Variants in DCAF11 observed in about 807,000 individuals in gnomAD.
DCAF11 encodes DDB1- and CUL4-associated factor 11.
Under a neutral mutation model 76.1 loss-of-function variants are expected in DCAF11, and 44 were observed. That is an observed-to-expected ratio of 0.58 (90% CI 0.45 to 0.74). DCAF11 has a LOEUF of 0.74. Among genes scored for constraint, DCAF11 ranks in the 30% least tolerant of loss-of-function variants. The probability of loss-of-function intolerance (pLI) is 0.00; values close to 1 mark genes in which losing one functional copy is unlikely to be tolerated. For synonymous variants in DCAF11, 258 were observed against 255.0 expected (o/e 1.01, Z -0.11); for missense variants, 604 against 709.4 (o/e 0.85, Z 1.69).
chr14:24,119,053 C>G, intron 8 of DCAF11, 92 bp from the exon 9 acceptor site: 1 of 1,531,360 alleles, frequency 6.5e-7, no homozygotes, highest in South Asian at 1.1e-5. Context: ...CTTTTTTCCC[C>G]TGGGGATGTG....
rs1566589044 is a variant in DCAF11, at chr14:24,114,826, G to A, written c.-681G>A. 2.0e-6 allele frequency: 2 copies of A among 985,966 alleles called. No individual in the cohort carries two copies. Among genetic ancestry groups the A allele is most frequent in the South Asian group, 9.4e-5 (2 of 21,302 alleles). 61.1% of individuals were successfully genotyped at this position (985,966 alleles called of 1,614,324 possible). ...CAGGAAGCCGCGAGATGCGTGACGAGCGAAGCGCGTGACGGAGGAGCGGTT... is the reference window on the plus strand; with the variant it reads ...CAGGAAGCCGCGAGATGCGTGACGAACGAAGCGCGTGACGGAGGAGCGGTT... On this transcript the variant is annotated 5_prime_UTR_variant, in exon 1 of 15. Coordinates refer to ENST00000446197, the MANE Select transcript of DCAF11 (RefSeq NM_025230.5).
Position 24,117,524 on chromosome 14 carries a change from G to C in DCAF11, c.411+131G>C, listed in dbSNP as rs1320064036. On this transcript the variant is annotated intron_variant, in intron 4 of 14. Transcript: ENST00000446197. This position sits in a 1 kb window ranked among gnomAD's most constrained non-coding sequence, Gnocchi z 4.3. ...AGCGCTGGGGCTGGAGAGTTAACCA[G>C]CCTCCATCGGAGTTCTGTGGGACAG... 3 of 1,527,774 alleles carry C rather than the reference G, an allele frequency of 2.0e-6. No individual in the cohort carries two copies. Among genetic ancestry groups the C allele is most frequent in the Admixed American group, 2.0e-5 (1 of 50,408 alleles). 94.6% of individuals were successfully genotyped at this position (1,527,774 alleles called of 1,614,324 possible). A position where few individuals can be genotyped will look rare whatever the true frequency, so the allele number is the denominator to read the frequency against.
chr14:24,119,439 A>T (rs1292559493), intron 9 of DCAF11, 120 bp from the exon 10 acceptor site: 4 of 1,350,708 alleles, frequency 3.0e-6, no homozygotes, highest in African/African-American at 1.5e-5. Flanking sequence ...CACTTCCTGT[A>T]TAAAAAGAGC....
rs2037750646 is a variant in DCAF11, at chr14:24,124,787, A to T, written c.*1478A>T. ...CCGGGCACGGTGGTTCACACCTGTAATCCCGGCATTTTGGGAGGCCGAGAT... is the reference window on the plus strand; with the variant it reads ...CCGGGCACGGTGGTTCACACCTGTATTCCCGGCATTTTGGGAGGCCGAGAT... On this transcript the variant is annotated 3_prime_UTR_variant, in exon 15 of 15. Coordinates refer to ENST00000446197, the MANE Select transcript of DCAF11 (RefSeq NM_025230.5). 6.6e-6 allele frequency: 1 copy of T among 152,228 alleles called. No individual in the cohort carries two copies. The highest frequency in any genetic ancestry group is 2.4e-5 in the African/African-American group (1 of 41,454). The allele number at this position is 152,228 out of a possible 1,614,324, so 9.4% of individuals were successfully genotyped here.
rs2037754285 is a variant in DCAF11, at chr14:24,124,957, T to C, written c.*1648T>C. 1 of 152,096 alleles carries C rather than the reference T, an allele frequency of 6.6e-6. No homozygotes were observed. Among genetic ancestry groups the C allele is most frequent in the Non-Finnish European group, 1.5e-5 (1 of 68,060 alleles). 9.4% of individuals were successfully genotyped at this position (152,096 alleles called of 1,614,324 possible). On this transcript the variant is annotated 3_prime_UTR_variant, in exon 15 of 15. Coordinates refer to ENST00000446197, the MANE Select transcript of DCAF11 (RefSeq NM_025230.5). ...TACTTGAGAGGCTGAGGCAGGAGAA[T>C]CGCTTGAACTTGGGAGCAGAGGTGA...
At position 24,120,984 on chromosome 14, in the gene DCAF11, C is replaced by A; in HGVS notation, c.1239C>A (p.Pro413=). 1.9e-6 allele frequency: 3 copies of A among 1,613,416 alleles called. No homozygotes were observed. The highest frequency in any genetic ancestry group is 1.1e-5 in the South Asian group (1 of 90,982). The part of the protein sequence containing the change: ...QNWDYRWQQV[P]KKAWRKLKLP... ...GGGACTATCGGTGGCAGCAAGTGCC[C>A]AAAAAAGGTGAGACTGGAAGTACAG... The change falls in exon 12 of 15, where the codon CCC becomes CCA. Residue 413 remains proline, a synonymous_variant. Transcript: ENST00000446197.
intron 13 of DCAF11, 103 bp downstream of exon 13, chr14:24,121,620 C>G (rs1455132248): frequency 7.5e-7 from 1 of 1,341,548 alleles, no homozygotes; most frequent in Non-Finnish European, 1.0e-6. Context: ...CCAGTGACAG[C>G]TACAGGTAAA....
Position 24,123,181 on chromosome 14 carries a change from G to T in DCAF11, c.1513G>T (p.Gly505Trp), listed in dbSNP as rs373071680. 3 of 1,610,738 alleles carry T rather than the reference G, an allele frequency of 1.9e-6. No homozygotes were observed. Among genetic ancestry groups the T allele is most frequent in the Middle Eastern group, 1.7e-4 (1 of 6,048 alleles). Residue 505 changes from glycine (G) to tryptophan (W), a missense_variant, in exon 15 of 15, where the codon GGG (glycine) becomes TGG (tryptophan). Transcript: ENST00000446197. Reference sequence around the variant, plus strand: ...GCCACCCTCTGCCCTGCAGTGGGACGGGAACCTGCGTCTGTGGCAGTACCG... The same window carrying T: ...GCCACCCTCTGCCCTGCAGTGGGACTGGAACCTGCGTCTGTGGCAGTACCG... ...EEKIVSSSWD[G>W]NLRLWQYRQA...
chr14:24,122,157 CA>C (rs55963929), intron 13 of DCAF11: 45,036 of 99,218 alleles, frequency 0.45, 7,452 homozygotes, highest in East Asian at 0.66. Context: ...GAAACTGTCT[CA>C]AAAAAAAAAA....
At chr14:24,119,639 T>C in intron 10 of DCAF11, 23 bp downstream of exon 10, 1 of 1,614,220 alleles carries the variant, frequency 6.2e-7, no homozygotes, top group South Asian at 1.1e-5. Flanking sequence ...AGATAGAGCC[T>C]CTGCCTCCTG....
At chr14:24,116,629 G>T (rs743273) in intron 2 of DCAF11, among the ~76,000 whole-genome samples, 2 of 152,166 alleles carry the variant, frequency 1.3e-5, no homozygotes, top group Admixed American at 6.5e-5. Context: ...TGTCCACAGC[G>T]TATTGGTCTT....
rs146916620 is a variant in DCAF11, at chr14:24,119,067, T to TA, written c.780-77dup. The stretch of plus-strand genomic sequence containing the variant: ...TCTTTTTTCCCCTGGGGATGTGCCT[T>TA]ACAACCGTTGTCAGATTTTATGTAG... On this transcript the variant is annotated intron_variant, in intron 8 of 14. Coordinates refer to ENST00000446197, the MANE Select transcript of DCAF11 (RefSeq NM_025230.5). The TA allele has an allele frequency of 2.4e-4, 385 of 1,586,374 alleles. 2 individuals are homozygous for TA. The African/African-American group carries it at 4.3e-3, about 18-fold the overall frequency.
Position 24,124,311 on chromosome 14 carries a change from T to G in DCAF11, c.*1002T>G, listed in dbSNP as rs2037743029. On this transcript the variant is annotated 3_prime_UTR_variant, in exon 15 of 15. Transcript: ENST00000446197. ...GGTAATACCCATATCACCTCTGCTCTGAGGCTGGGCCTGCAGCTGTGTAGT... is the reference window on the plus strand; with the variant it reads ...GGTAATACCCATATCACCTCTGCTCGGAGGCTGGGCCTGCAGCTGTGTAGT... 1 of 152,288 alleles carries G rather than the reference T, an allele frequency of 6.6e-6. No individual in the cohort carries two copies. Among genetic ancestry groups the G allele is most frequent in the Non-Finnish European group, 1.5e-5 (1 of 68,060 alleles). The allele number at this position is 152,288 out of a possible 1,614,324, so 9.4% of individuals were successfully genotyped here.
intron 13 of DCAF11, chr14:24,121,891 T>C (rs770689310): frequency 2.1e-5 from 4 of 188,102 alleles, no homozygotes; most frequent in Admixed American, 1.6e-4. Flanking sequence ...TAGAAAGAAA[T>C]AAGCTGGCTG....
Position 24,116,986 on chromosome 14 carries a change from A to C in DCAF11, c.225A>C (p.Ser75=). The C allele has an allele frequency of 1.9e-6, 3 of 1,614,218 alleles. No individual in the cohort carries two copies. In the South Asian group the frequency reaches 3.3e-5, roughly 18 times the overall value. ...AATTCATTCAGGCCCTCTTGGACTCAGAGGAAGAGAATGACAGAGCTTGGG... is the reference window on the plus strand; with the variant it reads ...AATTCATTCAGGCCCTCTTGGACTCCGAGGAAGAGAATGACAGAGCTTGGG... ...NLQFIQALLD[S]EEENDRAWDG... The change falls in exon 3 of 15, where the codon TCA becomes TCC. Residue 75 remains serine, a synonymous_variant. Transcript: ENST00000446197.
Position 24,121,007 on chromosome 14 carries a change from C to A in DCAF11, c.1246+16C>A. On this transcript the variant is annotated intron_variant, in intron 12 of 14. Coordinates refer to ENST00000446197, the MANE Select transcript of DCAF11 (RefSeq NM_025230.5). Reference sequence around the variant, plus strand: ...CCCAAAAAAGGTGAGACTGGAAGTACAGGCACAGTGGATTTGTCTGTAGCC... The same window carrying A: ...CCCAAAAAAGGTGAGACTGGAAGTAAAGGCACAGTGGATTTGTCTGTAGCC... The A allele has an allele frequency of 6.2e-7, 1 of 1,613,816 alleles. No individual in the cohort carries two copies. The highest frequency in any genetic ancestry group is 8.5e-7 in the Non-Finnish European group (1 of 1,179,868).
At chr14:24,119,479 A>G in intron 9 of DCAF11, 80 bp from the exon 10 acceptor site, 3 of 1,543,486 alleles carry the variant, frequency 1.9e-6, no homozygotes, top group Non-Finnish European at 2.7e-6. Context: ...AGGATTTCTC[A>G]GTGGAACTCT....
intron 2 of DCAF11, 68 bp from the exon 3 acceptor site, chr14:24,116,849 C>T: frequency 1.9e-6 from 3 of 1,607,896 alleles, no homozygotes; most frequent in African/African-American, 2.7e-5. Flanking sequence ...GCTAGATAGC[C>T]ATTGACTCTG....
Position 24,115,025 on chromosome 14 carries a change from G to T in DCAF11, c.-482G>T. On this transcript the variant is annotated 5_prime_UTR_variant, in exon 1 of 15. Coordinates refer to ENST00000446197, the MANE Select transcript of DCAF11 (RefSeq NM_025230.5). ...TACACACCCCCGGCGCACCACGTGGGCGTGAGGCGAGGAAGGAGGGGTGTT... is the reference window on the plus strand; with the variant it reads ...TACACACCCCCGGCGCACCACGTGGTCGTGAGGCGAGGAAGGAGGGGTGTT... The T allele has an allele frequency of 2.0e-6, 2 of 986,010 alleles. No homozygotes were observed. Among genetic ancestry groups the T allele is most frequent in the Non-Finnish European group, 2.4e-6 (2 of 829,960 alleles). The allele number at this position is 986,010 out of a possible 1,614,324, so 61.1% of individuals were successfully genotyped here. A position where few individuals can be genotyped will look rare whatever the true frequency, so the allele number is the denominator to read the frequency against.
Sources: gnomAD v4.1 joint callset for allele counts (sites outside exome capture counted in the v4.1 genomes callset) on GRCh38, gnomAD v4.1.1 for gene constraint, Gnocchi (gnomAD v3.1) non-coding constraint, MANE v1.5 for transcripts, NCBI Gene and HGNC (gene_info 2026-07-23, HGNC 2026-07-21) for gene names.